Variants in THSD7A observed in about 807,000 individuals in gnomAD.
The protein encoded by THSD7A is thrombospondin type 1 domain containing 7A, also known as thrombospondin type-1 domain-containing protein 7A.
In THSD7A, 96 loss-of-function variants were observed where a neutral mutation model predicts 231.3. That is an observed-to-expected ratio of 0.41 (90% CI 0.35 to 0.49). The LOEUF is 0.49. THSD7A is among the 20% of genes least tolerant of loss of function. The pLI is 0.05. For synonymous variants in THSD7A, 940 were observed against 743.3 expected (o/e 1.26, Z -4.30); for missense variants, 2,290 against 2,070.2 (o/e 1.11, Z -2.06).
chr7:11,423,875 T>C (rs139979932), intron 16 of THSD7A, among the ~76,000 whole-genome samples: 1 of 152,338 alleles, frequency 6.6e-6, no homozygotes, highest in Non-Finnish European at 1.5e-5. Flanking sequence ...TGATAGATAC[T>C]GTATGGAAAA....
chr7:11,386,420 G>C (rs1286743567), intron 23 of THSD7A, among the ~76,000 whole-genome samples: 1 of 152,190 alleles, frequency 6.6e-6, no homozygotes, highest in Non-Finnish European at 1.5e-5. Context: ...TAACTGGTGT[G>C]AGATGGTATC....
chr7:11,707,713 C>A (rs140073108), intron 1 of THSD7A, among the ~76,000 whole-genome samples: 4 of 150,788 alleles, frequency 2.7e-5, no homozygotes, highest in African/African-American at 9.7e-5. Context: ...TGTTCTAAAG[C>A]CTTCAGCAGT....
chr7:11,580,762 C>T (rs1213232398), intron 4 of THSD7A, among the ~76,000 whole-genome samples: 1 of 151,936 alleles, frequency 6.6e-6, no homozygotes, highest in African/African-American at 2.4e-5. Flanking sequence ...GGGAGAGGAT[C>T]AGGAAAAATA....
chr7:11,405,518 G>A (rs1397027348), intron 22 of THSD7A, among the ~76,000 whole-genome samples: 2 of 152,002 alleles, frequency 1.3e-5, no homozygotes, highest in East Asian at 1.9e-4. Flanking sequence ...CTAATAAATT[G>A]TTGCCCCTAT....
At chr7:11,530,182 T>C (rs191606724) in intron 6 of THSD7A, among the ~76,000 whole-genome samples, 1 of 152,168 alleles carries the variant, frequency 6.6e-6, no homozygotes, top group Admixed American at 6.5e-5. Context: ...TTCTGTACAT[T>C]TATTTTTTTC....
In THSD7A at chr7:11,541,560, G is replaced by A. The variant is rs1457319519; in HGVS notation, c.1681C>T (p.His561Tyr). 5 of 1,613,828 alleles carry A rather than the reference G, an allele frequency of 3.1e-6. No homozygotes were observed. In the East Asian group the frequency reaches 6.7e-5, roughly 22 times the overall value. The change falls in exon 6 of 28, where the codon CAC (histidine) becomes TAC (tyrosine). Residue 561 changes from histidine (H) to tyrosine (Y), a missense_variant. Physicochemically the swap from His to Tyr is moderately conservative, Grantham distance 83. Transcript: ENST00000423059. The part of the protein sequence containing the change: ...GGSGVTGNCP[H>Y]LLEAIPCEEP... ...TCACAGGGAATGGCTTCCAGTAAGTGAGGGCAGTTTCCGGTTACCCCAGAG... is the reference window on the plus strand; with the variant it reads ...TCACAGGGAATGGCTTCCAGTAAGTAAGGGCAGTTTCCGGTTACCCCAGAG...
At chr7:11,526,705 C>G (rs1562686426) in intron 6 of THSD7A, among the ~76,000 whole-genome samples, 1 of 152,158 alleles carries the variant, frequency 6.6e-6, no homozygotes, top group Non-Finnish European at 1.5e-5. Flanking sequence ...CCCCTTTCCC[C>G]TCTCTTTCTC....
intron 2 of THSD7A, among the ~76,000 whole-genome samples, chr7:11,629,934 C>T (rs1302502136): frequency 6.6e-6 from 1 of 152,154 alleles, no homozygotes; most frequent in Non-Finnish European, 1.5e-5. Flanking sequence ...TTGCCTATCC[C>T]AGAACACGTA....
intron 2 of THSD7A, among the ~76,000 whole-genome samples, chr7:11,604,028 TAAA>T: frequency 7.2e-6 from 1 of 138,282 alleles, no homozygotes; most frequent in African/African-American, 2.7e-5. Context: ...TAAAGTATAA[TAAA>T]AAAAAAATGC....
At chr7:11,583,557 A>T (rs2189636) in intron 4 of THSD7A, among the ~76,000 whole-genome samples, 122,868 of 152,056 alleles carry the variant, frequency 0.81, 50,429 homozygotes, top group African/African-American at 0.95. Context: ...ATTACAGGCA[A>T]GAGTCACCAT....
chr7:11,639,453 A>G (rs944020395), intron 1 of THSD7A, among the ~76,000 whole-genome samples: 2 of 152,094 alleles, frequency 1.3e-5, no homozygotes, highest in Admixed American at 1.3e-4. Flanking sequence ...GCGGATCACA[A>G]GGTCAGGAGA....
chr7:11,730,614 T>C (rs1019218462), intron 1 of THSD7A, among the ~76,000 whole-genome samples: 3 of 151,680 alleles, frequency 2.0e-5, no homozygotes, highest in Admixed American at 6.6e-5. Flanking sequence ...CATCTTACTC[T>C]CTTCACCCAA....
intron 11 of THSD7A, among the ~76,000 whole-genome samples, chr7:11,452,511 C>T (rs1785176684): frequency 6.6e-6 from 1 of 151,838 alleles, no homozygotes; most frequent in African/African-American, 2.4e-5. Flanking sequence ...ACCAATGATC[C>T]CCAGTCTCAC....
intron 1 of THSD7A, among the ~76,000 whole-genome samples, chr7:11,775,889 A>G (rs1783390150): frequency 6.6e-6 from 1 of 152,232 alleles, no homozygotes; most frequent in South Asian, 2.1e-4. Context: ...CAAACTAAAT[A>G]TTCCATAAAT....
chr7:11,828,082 T>C (rs190256935), intron 1 of THSD7A, among the ~76,000 whole-genome samples: 1 of 152,338 alleles, frequency 6.6e-6, no homozygotes, highest in East Asian at 1.9e-4. Flanking sequence ...GTCACTGGCC[T>C]TCCAGCTTCT....
At chr7:11,533,948 T>C (rs537899242) in intron 6 of THSD7A, among the ~76,000 whole-genome samples, 16 of 152,306 alleles carry the variant, frequency 1.1e-4, no homozygotes, top group South Asian at 6.2e-4. Flanking sequence ...TTTCTCATTT[T>C]TGAATGGGAG....
intron 4 of THSD7A, among the ~76,000 whole-genome samples, chr7:11,579,620 G>A (rs1791069826): frequency 6.6e-6 from 1 of 152,128 alleles, no homozygotes; most frequent in African/African-American, 2.4e-5. Flanking sequence ...TATGAAGTAA[G>A]ATGAAACAGT....
intron 6 of THSD7A, among the ~76,000 whole-genome samples, chr7:11,538,619 A>T (rs1789013341): frequency 6.6e-6 from 1 of 152,182 alleles, no homozygotes; most frequent in Non-Finnish European, 1.5e-5. Context: ...TTGTGTTCAG[A>T]GACCTGGAAT....
chr7:11,814,639 A>C lies in THSD7A; in HGVS notation c.190+17118T>G, dbSNP rs1784625596. Among the ~76,000 whole-genome samples, 2 of 152,172 alleles carry C rather than the reference A, an allele frequency of 1.3e-5. No homozygotes were observed. The highest frequency in any genetic ancestry group is 1.3e-4 in the Admixed American group (2 of 15,270). On this transcript the variant is annotated intron_variant, in intron 1 of 27. Coordinates refer to ENST00000423059, the MANE Select transcript of THSD7A (RefSeq NM_015204.3). This position sits in a 1 kb window ranked among gnomAD's most constrained non-coding sequence, Gnocchi z 5.1. Reference sequence around the variant, plus strand: ...GGAACTTGCACAGCTGAAGCAGTTCAAAACCAGTTCTCTTATACAATGAGC... The same window carrying C: ...GGAACTTGCACAGCTGAAGCAGTTCCAAACCAGTTCTCTTATACAATGAGC...
Sources: gnomAD v4.1 joint callset for allele counts (sites outside exome capture counted in the v4.1 genomes callset) on GRCh38, gnomAD v4.1.1 for gene constraint, Gnocchi (gnomAD v3.1) non-coding constraint, MANE v1.5 for transcripts, NCBI Gene and HGNC (gene_info 2026-07-23, HGNC 2026-07-21) for gene names.